The following RALGAPA2 variants were observed in gnomAD, a reference collection of about 807,000 sequenced individuals.
RALGAPA2 encodes the protein ral GTPase-activating protein subunit alpha-2.
A neutral mutation model predicts 230.4 loss-of-function variants in RALGAPA2; 139 were observed. The observed-to-expected ratio is 0.60, with a 90% confidence interval of 0.53 to 0.69. The LOEUF is 0.69. RALGAPA2 is among the 30% of genes least tolerant of loss of function. RALGAPA2 has a pLI of 0.00. For missense variants in RALGAPA2, 2,163 were observed against 2,276.0 expected (o/e 0.95, Z 1.01); for synonymous variants, 847 against 837.8 (o/e 1.01, Z -0.19).
intron 37 of RALGAPA2, among the ~76,000 whole-genome samples, chr20:20,427,160 C>T (rs928068): frequency 6.6e-6 from 1 of 151,780 alleles, no homozygotes; most frequent in African/African-American, 2.4e-5. Flanking sequence ...CTACTCACTG[C>T]TGTTTTCATA....
At chr20:20,674,505 T>C (rs1480340454) in intron 3 of RALGAPA2, among the ~76,000 whole-genome samples, 3 of 152,158 alleles carry the variant, frequency 2.0e-5, no homozygotes, top group East Asian at 1.9e-4. Context: ...CATTTACCAA[T>C]GTACTGGAAG....
rs1188642368 is a variant in RALGAPA2 at position 20,513,196 on chromosome 20, G to A, written c.4173C>T (p.Leu1391=). The change falls in exon 32 of 40, where the codon CTC becomes CTT. Residue 1391 remains leucine (L), a synonymous_variant. Coordinates refer to ENST00000202677, the MANE Select transcript of RALGAPA2 (RefSeq NM_020343.4). ...TGTGCAGTATGGCAGGGCCCCCACT[G>A]AGGGGGTAGTGCCCCAGGTGGTTCA... ...HLVNHLGHYP[L]SGGPAILHSL... is the part of the protein sequence containing the mutation. 1.3e-6 allele frequency: 2 copies of A among 1,526,362 alleles called. No homozygotes were observed. The highest frequency in any genetic ancestry group is 2.3e-5 in the East Asian group (1 of 44,254). 94.6% of individuals were successfully genotyped at this position (1,526,362 alleles called of 1,614,324 possible). A position where few individuals can be genotyped will look rare whatever the true frequency, so the allele number is the denominator to read the frequency against.
At chr20:20,662,665 AAT>A (rs2067822446) in intron 3 of RALGAPA2, among the ~76,000 whole-genome samples, 1 of 152,216 alleles carries the variant, frequency 6.6e-6, no homozygotes, top group African/African-American at 2.4e-5. Flanking sequence ...TTCATTAAAA[AAT>A]AGTCTTATTA....
chr20:20,467,745 G>C (rs1250626813), intron 37 of RALGAPA2, among the ~76,000 whole-genome samples: 1 of 152,174 alleles, frequency 6.6e-6, no homozygotes, highest in Non-Finnish European at 1.5e-5. Flanking sequence ...GCTCCTCTTT[G>C]AATCTTGATG....
At chr20:20,613,987 T>C (rs1228365995) in intron 13 of RALGAPA2, among the ~76,000 whole-genome samples, 1 of 152,216 alleles carries the variant, frequency 6.6e-6, no homozygotes, top group Non-Finnish European at 1.5e-5. Context: ...TGTAACCTCA[T>C]GAGGGCAGGG....
rs2061025375 is a variant in RALGAPA2 at position 20,453,036 on chromosome 20, A to G, written c.5495+19793T>C. Among the ~76,000 whole-genome samples the G allele has an allele frequency of 2.0e-5, 3 of 152,286 alleles. No homozygotes were observed. In the South Asian group the frequency reaches 6.2e-4, roughly 32 times the overall value. ...ACTTTTCTGGGCTTCTGTTCCCTCA[A>G]CTATATTTTTTAAACATAAAAAAGT... On this transcript the variant is annotated intron_variant, in intron 37 of 39. Transcript: ENST00000202677.
chr20:20,424,951 T>A (rs2060351275), intron 37 of RALGAPA2, among the ~76,000 whole-genome samples: 1 of 152,202 alleles, frequency 6.6e-6, no homozygotes, highest in African/African-American at 2.4e-5. Flanking sequence ...GAAAAAAATA[T>A]TATTAAATAA....
chr20:20,586,673 G>A lies in RALGAPA2; in HGVS notation c.2440-1718C>T, dbSNP rs57335558. Among the ~76,000 whole-genome samples, 628 of 152,220 alleles carry A rather than the reference G, an allele frequency of 4.1e-3. 4 individuals carry two copies. Among genetic ancestry groups the A allele is most frequent in the African/African-American group, 0.014 (594 of 41,538 alleles). ...CAAGATATGCTTGAAAAGTATAAAC[G>A]TGAACTGTCAGAAATAAAAGGCATA... is the stretch of plus-strand genomic sequence containing the variant. On this transcript the variant is annotated intron_variant, in intron 18 of 39. Coordinates refer to ENST00000202677, the MANE Select transcript of RALGAPA2 (RefSeq NM_020343.4).
At chr20:20,565,368 T>C (rs1007928908) in intron 23 of RALGAPA2, among the ~76,000 whole-genome samples, 4 of 152,218 alleles carry the variant, frequency 2.6e-5, no homozygotes, top group Admixed American at 1.3e-4. Context: ...TTATTACATA[T>C]GACTGCATGA....
intron 36 of RALGAPA2, among the ~76,000 whole-genome samples, chr20:20,494,195 C>T (rs2056636775): frequency 6.6e-6 from 1 of 152,070 alleles, no homozygotes; most frequent in Non-Finnish European, 1.5e-5. Flanking sequence ...GTCATAAATC[C>T]CAATATGAAC....
At chr20:20,473,641 AG>A (rs2061587172) in intron 36 of RALGAPA2, among the ~76,000 whole-genome samples, 1 of 152,116 alleles carries the variant, frequency 6.6e-6, no homozygotes, top group African/African-American at 2.4e-5. Context: ...CACCACACCC[AG>A]CTTCTGTTTT....
chr20:20,540,239 C>T (rs1239119734), intron 24 of RALGAPA2, among the ~76,000 whole-genome samples: 2 of 152,142 alleles, frequency 1.3e-5, no homozygotes, highest in Non-Finnish European at 2.9e-5. Context: ...GTGTAGTACA[C>T]GGGGATGAAG....
intron 3 of RALGAPA2, among the ~76,000 whole-genome samples, chr20:20,665,780 C>A (rs1176542530): frequency 6.6e-6 from 1 of 152,188 alleles, no homozygotes; most frequent in African/African-American, 2.4e-5. Context: ...ACCAGAATAA[C>A]CACATGCTAT....
chr20:20,546,614 T>A, intron 24 of RALGAPA2, 90 bp downstream of exon 24: 2 of 1,447,684 alleles, frequency 1.4e-6, no homozygotes, highest in Non-Finnish European at 1.8e-6. Context: ...CACTAATGAG[T>A]CAACACCTGT....
At chr20:20,530,476 AC>A (rs2063339299) in intron 27 of RALGAPA2, among the ~76,000 whole-genome samples, 1 of 152,146 alleles carries the variant, frequency 6.6e-6, no homozygotes, top group Non-Finnish European at 1.5e-5. Context: ...CAGAGGGTGT[AC>A]TTGGGGAACA....
intron 37 of RALGAPA2, among the ~76,000 whole-genome samples, chr20:20,420,681 C>A (rs1034091476): frequency 1.3e-5 from 2 of 152,044 alleles, no homozygotes; most frequent in South Asian, 2.1e-4. Flanking sequence ...GAGGCAGGCA[C>A]GACCCTCCCA....
intron 16 of RALGAPA2, among the ~76,000 whole-genome samples, chr20:20,600,167 G>A (rs1391317232): frequency 2.0e-5 from 3 of 147,620 alleles, no homozygotes; most frequent in East Asian, 2.1e-4. Flanking sequence ...ATAGTGGTGC[G>A]CACCTGTAGT....
At chr20:20,477,101 G>A (rs535344958) in intron 36 of RALGAPA2, among the ~76,000 whole-genome samples, 1 of 152,266 alleles carries the variant, frequency 6.6e-6, no homozygotes, top group Admixed American at 6.5e-5. Flanking sequence ...CAAGAATTAG[G>A]AGGCTGGCAA....
At chr20:20,617,760 C>G (rs1007730426) in intron 12 of RALGAPA2, among the ~76,000 whole-genome samples, 1 of 152,136 alleles carries the variant, frequency 6.6e-6, no homozygotes, top group Admixed American at 6.5e-5. Context: ...ACATCTGAGA[C>G]ACAGTCGGAG....
Sources: gnomAD v4.1 joint callset for allele counts (sites outside exome capture counted in the v4.1 genomes callset) on GRCh38, gnomAD v4.1.1 for gene constraint, MANE v1.5 for transcripts, NCBI Gene and HGNC (gene_info 2026-07-23, HGNC 2026-07-21) for gene names.